RAP1GDS1: variants seen among roughly 807,000 people sequenced by gnomAD.
RAP1GDS1 encodes RAP1, GTP-GDP dissociation stimulator 1.
A neutral mutation model predicts 71.1 loss-of-function variants in RAP1GDS1; 35 were observed. That is an observed-to-expected ratio of 0.49 (90% CI 0.38 to 0.65). RAP1GDS1 has a LOEUF of 0.65. Among genes scored for constraint, RAP1GDS1 ranks in the 30% least tolerant of loss-of-function variants. The pLI, the probability that RAP1GDS1 is intolerant of heterozygous loss-of-function variation, is 0.00. For synonymous variants in RAP1GDS1, 229 were observed against 243.1 expected (o/e 0.94, Z 0.54); for missense variants, 663 against 706.1 (o/e 0.94, Z 0.69).
intron 4 of RAP1GDS1, among the ~76,000 whole-genome samples, chr4:98,374,128 A>G (rs1740815014): frequency 6.6e-6 from 1 of 152,148 alleles, no homozygotes; most frequent in Non-Finnish European, 1.5e-5. Flanking sequence ...ACTACTGACT[A>G]CTGTACACTT....
At chr4:98,275,484 AAATTTTATAT>A (rs1724073883) in intron 1 of RAP1GDS1, among the ~76,000 whole-genome samples, 1 of 152,188 alleles carries the variant, frequency 6.6e-6, no homozygotes, top group Non-Finnish European at 1.5e-5. Flanking sequence ...ACTGAAATTT[AAATTTTATAT>A]AATTTGCATT....
chr4:98,335,788 C>CT (rs11416870), intron 2 of RAP1GDS1, among the ~76,000 whole-genome samples: 120,341 of 141,694 alleles, frequency 0.85, 51,582 homozygotes, highest in East Asian at 0.94. Context: ...GACTTCTTAC[C>CT]TTTTTTTTTT....
chr4:98,301,435 A>T (rs1728573602), intron 2 of RAP1GDS1, among the ~76,000 whole-genome samples: 1 of 152,198 alleles, frequency 6.6e-6, no homozygotes, highest in Admixed American at 6.5e-5. Flanking sequence ...CTAAATCTGT[A>T]TCTTTCCATG....
At chr4:98,362,004 C>T (rs147654102) in intron 4 of RAP1GDS1, among the ~76,000 whole-genome samples, 5 of 152,106 alleles carry the variant, frequency 3.3e-5, no homozygotes, top group South Asian at 2.1e-4. Context: ...GAATAAATTG[C>T]GTTTTGAGTT....
intron 7 of RAP1GDS1, 84 bp downstream of exon 7, chr4:98,404,686 T>A (rs1745881834): frequency 6.8e-7 from 1 of 1,475,314 alleles, no homozygotes; most frequent in Non-Finnish European, 9.2e-7. Flanking sequence ...GCCAGCCATT[T>A]GACTCAAAAC....
chr4:98,400,920 G>A (rs369114724), intron 6 of RAP1GDS1, among the ~76,000 whole-genome samples: 5 of 152,172 alleles, frequency 3.3e-5, no homozygotes, highest in Non-Finnish European at 1.5e-5. Flanking sequence ...TCAGTTAAGT[G>A]TGAGATTATA....
chr4:98,421,517 T>A, intron 12 of RAP1GDS1, 123 bp downstream of exon 12: 6 of 1,102,554 alleles, frequency 5.4e-6, no homozygotes, highest in Non-Finnish European at 7.3e-6. Flanking sequence ...TTCAGTGAGA[T>A]CATGTATATA....
intron 1 of RAP1GDS1, among the ~76,000 whole-genome samples, chr4:98,275,177 A>T (rs998018272): frequency 6.6e-6 from 1 of 152,166 alleles, no homozygotes; most frequent in Non-Finnish European, 1.5e-5. Context: ...TATATTGTAT[A>T]GTACAATGGT....
chr4:98,296,122 CA>C (rs1448545189), intron 2 of RAP1GDS1, among the ~76,000 whole-genome samples: 1 of 152,000 alleles, frequency 6.6e-6, no homozygotes, highest in Non-Finnish European at 1.5e-5. Flanking sequence ...CTAAAAATAA[CA>C]ACTGTACCAT....
intron 1 of RAP1GDS1, among the ~76,000 whole-genome samples, chr4:98,275,023 T>C (rs976588673): frequency 7.4e-5 from 11 of 148,162 alleles, no homozygotes; most frequent in African/African-American, 2.3e-4. Flanking sequence ...TGCAGCTGTG[T>C]GTGTGTGTGT....
chr4:98,392,209 TA>T (rs1413357814), intron 6 of RAP1GDS1, 129 bp downstream of exon 6: 13 of 878,286 alleles, frequency 1.5e-5, no homozygotes, highest in Non-Finnish European at 1.9e-5. Context: ...GCATTTGAGA[TA>T]TTTCCATCAA....
intron 12 of RAP1GDS1, among the ~76,000 whole-genome samples, chr4:98,428,890 CAT>C (rs1230022131): frequency 2.3e-4 from 35 of 152,202 alleles, no homozygotes; most frequent in Non-Finnish European, 4.1e-4. Context: ...TACTTGCACA[CAT>C]GTTTATAGCA....
intron 1 of RAP1GDS1, among the ~76,000 whole-genome samples, chr4:98,281,971 G>A (rs1220698207): frequency 6.6e-6 from 1 of 152,166 alleles, no homozygotes; most frequent in Non-Finnish European, 1.5e-5. Context: ...AGTTGATCGT[G>A]GTAGGTAAGC....
chr4:98,280,464 T>A (rs1037520618), intron 1 of RAP1GDS1, among the ~76,000 whole-genome samples: 2 of 152,180 alleles, frequency 1.3e-5, no homozygotes, highest in African/African-American at 2.4e-5. Context: ...TTGTTTGTTT[T>A]TTTCTTGTAA....
chr4:98,404,666 T>C lies in RAP1GDS1; in HGVS notation c.763+64T>C, dbSNP rs1402491746. ...TATGCTTTAAACTTTTTTCCTAATA[T>C]TATTTAATTGCCAGCCATTTGACTC... On this transcript the variant is annotated intron_variant, in intron 7 of 14. Coordinates refer to ENST00000408927, the MANE Select transcript of RAP1GDS1 (RefSeq NM_001100427.2). 2.6e-6 allele frequency: 4 copies of C among 1,523,538 alleles called. No homozygotes were observed. The African/African-American group carries it at 5.7e-5, about 22-fold the overall frequency. 94.4% of individuals were successfully genotyped at this position (1,523,538 alleles called of 1,614,324 possible).
chr4:98,353,397 G>A (rs1737500163), intron 4 of RAP1GDS1, among the ~76,000 whole-genome samples: 1 of 152,098 alleles, frequency 6.6e-6, no homozygotes. Context: ...CCCATTGAGT[G>A]TTTAACTCGG....
intron 2 of RAP1GDS1, among the ~76,000 whole-genome samples, chr4:98,327,196 A>T (rs541949150): frequency 6.6e-6 from 1 of 152,320 alleles, no homozygotes; most frequent in African/African-American, 2.4e-5. Context: ...GGTCAGCCTA[A>T]ATAACAGAGA....
chr4:98,402,330 C>T (rs570430850), intron 6 of RAP1GDS1, among the ~76,000 whole-genome samples: 9 of 152,210 alleles, frequency 5.9e-5, no homozygotes, highest in Non-Finnish European at 1.0e-4. Context: ...CCCCAGACTC[C>T]GGAAGTGTTG....
chr4:98,319,647 G>T (rs917881102), intron 2 of RAP1GDS1, among the ~76,000 whole-genome samples: 32 of 151,896 alleles, frequency 2.1e-4, no homozygotes, highest in African/African-American at 7.7e-4. Context: ...CCAACATGGT[G>T]GTGCACACCT....
Sources: allele counts gnomAD v4.1 joint callset (sites outside exome capture counted in the v4.1 genomes callset), GRCh38; gene constraint gnomAD v4.1.1; transcripts MANE v1.5; gene names NCBI Gene and HGNC (gene_info 2026-07-23, HGNC 2026-07-21).